The following BABAM2 variants were observed in gnomAD, a reference collection of about 807,000 sequenced individuals.
BABAM2 encodes the protein BRISC and BRCA1-A complex member 2.
In BABAM2, 31 loss-of-function variants were observed where a neutral mutation model predicts 54.7. That is an observed-to-expected ratio of 0.57 (90% confidence interval 0.43 to 0.77). The LOEUF is 0.77. Ranked by LOEUF, BABAM2 falls within the 30% of genes least tolerant of loss-of-function variation. The pLI is 0.00. For missense variants in BABAM2, 364 were observed against 455.8 expected (o/e 0.80, Z 1.83); for synonymous variants, 167 against 162.9 (o/e 1.03, Z -0.19).
At chr2:28,031,803 GCT>G (rs1676311501) in intron 5 of BABAM2, among the ~76,000 whole-genome samples, 1 of 152,170 alleles carries the variant, frequency 6.6e-6, no homozygotes, top group African/African-American at 2.4e-5. Context: ...GACGTAGATG[GCT>G]CTCTCAAGAG....
chr2:28,046,706 T>C (rs181392966), intron 6 of BABAM2, among the ~76,000 whole-genome samples: 5 of 152,192 alleles, frequency 3.3e-5, no homozygotes, highest in African/African-American at 1.2e-4. Context: ...TTAATTTTTA[T>C]AATGGTTATA....
intron 2 of BABAM2, among the ~76,000 whole-genome samples, chr2:27,914,547 G>A (rs182136997): frequency 6.6e-6 from 1 of 152,296 alleles, no homozygotes. Flanking sequence ...TTTTGACCAA[G>A]TGTAGGGTTG....
At chr2:28,124,386 G>T (rs900027267) in intron 6 of BABAM2, among the ~76,000 whole-genome samples, 7 of 152,126 alleles carry the variant, frequency 4.6e-5, no homozygotes, top group Admixed American at 2.0e-4. Flanking sequence ...TTACAGAAAA[G>T]AAAGTTCAAG....
intron 2 of BABAM2, among the ~76,000 whole-genome samples, chr2:27,917,340 C>T (rs563918146): frequency 1.3e-5 from 2 of 152,164 alleles, no homozygotes; most frequent in East Asian, 3.9e-4. Context: ...AAATTATGCA[C>T]CCTGTCTTAG....
At position 28,338,480 on chromosome 2, in the gene BABAM2, C is replaced by T. The variant is rs201259934; in HGVS notation, c.1119C>T (p.Phe373=). 61 of 1,614,046 alleles carry T rather than the reference C, an allele frequency of 3.8e-5. 1 individual carries two copies. In the South Asian group the frequency reaches 6.3e-4, roughly 17 times the overall value. ...KAYFKTFVPQ[F]QEAAFANGKL ...ATTTCAAAACCTTTGTCCCTCAGTT[C>T]CAGGAGGCAGCATTTGCCAATGGAA... Residue 373 remains phenylalanine, a synonymous_variant, in exon 12 of 12, where the codon TTC becomes TTT. Coordinates refer to ENST00000379624, the MANE Select transcript of BABAM2 (RefSeq NM_199191.3).
chr2:28,001,463 C>T (rs1462891871), intron 4 of BABAM2, among the ~76,000 whole-genome samples: 1 of 152,172 alleles, frequency 6.6e-6, no homozygotes, highest in Non-Finnish European at 1.5e-5. Flanking sequence ...GCTCCATGCT[C>T]ACACTTTAGT....
intron 6 of BABAM2, among the ~76,000 whole-genome samples, chr2:28,087,209 A>G (rs76542822): frequency 0.041 from 6,256 of 152,206 alleles, 421 homozygotes; most frequent in African/African-American, 0.14. Context: ...GTAAGAACAT[A>G]TAAGGCTTGG....
At chr2:28,280,470 A>G (rs1181879346) in intron 10 of BABAM2, among the ~76,000 whole-genome samples, 1 of 152,188 alleles carries the variant, frequency 6.6e-6, no homozygotes, top group East Asian at 1.9e-4. Context: ...ACTCATGGTC[A>G]CCTTCTTTGA....
intron 7 of BABAM2, among the ~76,000 whole-genome samples, chr2:28,198,225 A>ACG (rs1677833900): frequency 6.6e-6 from 1 of 151,328 alleles, no homozygotes; most frequent in Non-Finnish European, 1.5e-5. Context: ...GTGCAGTGGT[A>ACG]CAATCTCGGC....
intron 3 of BABAM2, among the ~76,000 whole-genome samples, chr2:27,946,128 A>G (rs1200190030): frequency 6.6e-6 from 1 of 152,206 alleles, no homozygotes; most frequent in Non-Finnish European, 1.5e-5. Context: ...GAAGGTAGTT[A>G]GTCTTTCATC....
intron 7 of BABAM2, among the ~76,000 whole-genome samples, chr2:28,165,278 T>C (rs912797169): frequency 1.3e-5 from 2 of 152,176 alleles, no homozygotes; most frequent in Admixed American, 1.3e-4. Context: ...ACTTTACAGA[T>C]TACTGGACAT....
rs555983814 is a variant in BABAM2, at chr2:28,110,637, T to G, written c.571-18634T>G. 5.9e-5 allele frequency among the ~76,000 whole-genome samples: 9 copies of G among 151,564 alleles called. No homozygotes were observed. In the South Asian group the frequency reaches 1.9e-3, roughly 32 times the overall value. Reference sequence around the variant, plus strand: ...AGACTCCATCTCAAAAAAAAATAAATAAATAAAATAAAATAAAATAAAAAA... The same window carrying G: ...AGACTCCATCTCAAAAAAAAATAAAGAAATAAAATAAAATAAAATAAAAAA... On this transcript the variant is annotated intron_variant, in intron 6 of 11. Coordinates refer to ENST00000379624, the MANE Select transcript of BABAM2 (RefSeq NM_199191.3).
chr2:28,309,885 G>T (rs1022650934), intron 11 of BABAM2: 1 of 569,698 alleles, frequency 1.8e-6, no homozygotes, highest in South Asian at 2.2e-5. Context: ...AGCGACACAG[G>T]AATTGGGGAC....
At chr2:27,998,897 G>A (rs552164435) in intron 4 of BABAM2, among the ~76,000 whole-genome samples, 4 of 152,288 alleles carry the variant, frequency 2.6e-5, no homozygotes, top group South Asian at 2.1e-4. Flanking sequence ...TATATGTATA[G>A]CATTGAGTAG....
At chr2:28,326,283 C>G (rs917112030) in intron 11 of BABAM2, among the ~76,000 whole-genome samples, 2 of 152,188 alleles carry the variant, frequency 1.3e-5, no homozygotes, top group African/African-American at 4.8e-5. Context: ...CTCCCTGCAC[C>G]CCACCCCAGG....
At chr2:28,142,357 C>G (rs1671139495) in intron 7 of BABAM2, among the ~76,000 whole-genome samples, 1 of 152,118 alleles carries the variant, frequency 6.6e-6, no homozygotes, top group East Asian at 1.9e-4. Flanking sequence ...TGTGAACATT[C>G]TCTTTTATAG....
At chr2:28,066,198 A>T (rs1440075869) in intron 6 of BABAM2, among the ~76,000 whole-genome samples, 1 of 150,710 alleles carries the variant, frequency 6.6e-6, no homozygotes, top group Non-Finnish European at 1.5e-5. Flanking sequence ...ATAAAAAAAT[A>T]AAAAAAACAG....
chr2:28,255,745 A>G (rs1683915789), intron 10 of BABAM2, among the ~76,000 whole-genome samples: 1 of 152,036 alleles, frequency 6.6e-6, no homozygotes, highest in Non-Finnish European at 1.5e-5. Flanking sequence ...GGCTCACTGT[A>G]GCCTCAGCCT....
At chr2:28,086,149 A>T (rs1480034709) in intron 6 of BABAM2, among the ~76,000 whole-genome samples, 1 of 152,218 alleles carries the variant, frequency 6.6e-6, no homozygotes, top group African/African-American at 2.4e-5. Flanking sequence ...AAGTGCAGAA[A>T]AAATAGAATT....
Sources: allele counts gnomAD v4.1 joint callset (sites outside exome capture counted in the v4.1 genomes callset), GRCh38; gene constraint gnomAD v4.1.1; transcripts MANE v1.5; gene names NCBI Gene and HGNC (gene_info 2026-07-23, HGNC 2026-07-21).